HMGN5: variants seen among roughly 807,000 people sequenced by gnomAD.
HMGN5 encodes the protein high mobility group nucleosome-binding domain-containing protein 5.
A neutral mutation model predicts 9.5 loss-of-function variants in HMGN5; 4 were observed. The ratio of observed to expected loss-of-function variants is 0.42; its 90% CI spans 0.21 to 0.96. The LOEUF (loss-of-function observed/expected upper bound fraction) is 0.96, where lower values mean the gene tolerates loss of function less well. HMGN5 is among the 40% of genes least tolerant of loss of function. The pLI, the probability that HMGN5 is intolerant of heterozygous loss-of-function variation, is 0.30. For missense variants in HMGN5, 192 were observed against 187.5 expected (o/e 1.02, Z -0.14); for synonymous variants, 55 against 57.1 (o/e 0.96, Z 0.16).
At chrX:81,176,564 A>G (rs930933340) in intron 1 of HMGN5, among the ~76,000 whole-genome samples, 18 of 111,776 alleles carry the variant, frequency 1.6e-4, no homozygotes, top group Non-Finnish European at 5.6e-5. Flanking sequence ...ATGGCTAACT[A>G]GAATAAACAG....
At chrX:81,168,227 A>G (rs1201365308) in intron 1 of HMGN5, among the ~76,000 whole-genome samples, 1 of 112,117 alleles carries the variant, frequency 8.9e-6, no homozygotes, top group African/African-American at 3.2e-5. Context: ...CTCTAGAGGT[A>G]GTGGATACAC....
At chrX:81,182,982 A>G (rs1281011408) in intron 1 of HMGN5, among the ~76,000 whole-genome samples, 2 of 111,682 alleles carry the variant, frequency 1.8e-5, no homozygotes, top group Non-Finnish European at 3.8e-5. Flanking sequence ...TATGACCAAA[A>G]TGCTGATAGT....
At chrX:81,173,997 A>G (rs926903177) in intron 1 of HMGN5, among the ~76,000 whole-genome samples, 6 of 111,731 alleles carry the variant, frequency 5.4e-5, no homozygotes, top group African/African-American at 1.9e-4. Flanking sequence ...CAGTGAACTG[A>G]GAGACTTCCA....
At position 81,183,523 on chromosome X, in the gene HMGN5, G is replaced by A. The variant is rs1020765887; in HGVS notation, c.-124+18214C>T. ...CAGAGGGTGAAAGCCATAAGCCATG[G>A]TGGCTTCCATGTTGTATTAAGCCTG... On this transcript the variant is annotated intron_variant, in intron 1 of 6. Transcript: ENST00000358130. 5.3e-5 allele frequency among the ~76,000 whole-genome samples: 6 copies of A among 112,855 alleles called. No individual in the cohort carries two copies. In the Admixed American group the frequency reaches 5.6e-4, roughly 11 times the overall value.
rs748990595 is a variant in HMGN5 at position 81,114,757 on chromosome X, TTCC to T, written c.738_740del (p.Glu248del). On this transcript the variant is annotated inframe_deletion, in exon 7 of 7. Coordinates refer to ENST00000358130, the MANE Select transcript of HMGN5 (RefSeq NM_030763.3). ...AATCTTCTTTCTCTTTTCCAGCTTC[TTCC>T]TCATTTCCACCTTCATCTTCTTTTC... 3 of 1,161,077 alleles carry T rather than the reference TTCC, an allele frequency of 2.6e-6. No homozygotes were observed. In the African/African-American group the frequency reaches 5.4e-5, roughly 21 times the overall value.
chrX:81,177,149 A>T (rs2075444532), intron 1 of HMGN5, among the ~76,000 whole-genome samples: 1 of 109,389 alleles, frequency 9.1e-6, no homozygotes, highest in Non-Finnish European at 1.9e-5. Flanking sequence ...AACATTCTTA[A>T]AGAACTAATA....
intron 1 of HMGN5, among the ~76,000 whole-genome samples, chrX:81,169,606 G>A (rs772428528): frequency 1.8e-5 from 2 of 111,663 alleles, no homozygotes; most frequent in African/African-American, 6.5e-5. Flanking sequence ...ATTAGACAGG[G>A]TGATTCAAAT....
At chrX:81,147,789 G>A (rs149814510) in intron 1 of HMGN5, among the ~76,000 whole-genome samples, 2,063 of 111,907 alleles carry the variant, frequency 0.018, 41 homozygotes, top group African/African-American at 0.063. Context: ...CAAAGTCTCA[G>A]GATACAAAAT....
At chrX:81,150,491 A>G (rs909865156) in intron 1 of HMGN5, among the ~76,000 whole-genome samples, 2 of 111,662 alleles carry the variant, frequency 1.8e-5, no homozygotes, top group African/African-American at 6.5e-5. Flanking sequence ...CTTTGAACCC[A>G]GGAGGCGGAG....
At position 81,153,579 on chromosome X, in the gene HMGN5, CTCTCTATATATATATATATATATATA is replaced by C. The variant is rs1217858874; in HGVS notation, c.-123-31933_-123-31908del. Among the ~76,000 whole-genome samples, 29 of 10,590 alleles carry C rather than the reference CTCTCTATATATATATATATATATATA, an allele frequency of 2.7e-3. 2 individuals are homozygous for C. Among genetic ancestry groups the C allele is most frequent in the East Asian group, 8.2e-3 (2 of 243 alleles). 9.2% of individuals were successfully genotyped at this position (10,590 alleles called of 115,157 possible). On this transcript the variant is annotated intron_variant, in intron 1 of 6. Transcript: ENST00000358130. ...TCTCTCTCTCTCTCTCTCTCTCTCT[CTCTCTATATATATATATATATATATA>C]TATATATATATATATATATATATAT... is the stretch of plus-strand genomic sequence containing the variant.
chrX:81,153,099 A>T (rs1024341322), intron 1 of HMGN5, among the ~76,000 whole-genome samples: 3 of 108,485 alleles, frequency 2.8e-5, no homozygotes, highest in African/African-American at 1.0e-4. Context: ...TACATACGTA[A>T]CTAACCTGCA....
At chrX:81,128,946 T>C in intron 1 of HMGN5, among the ~76,000 whole-genome samples, 1 of 111,991 alleles carries the variant, frequency 8.9e-6, no homozygotes, top group Non-Finnish European at 1.9e-5. Flanking sequence ...CTAATGACCA[T>C]TTGAAAATTA....
At chrX:81,166,682 G>A (rs1336557819) in intron 1 of HMGN5, among the ~76,000 whole-genome samples, 1 of 111,778 alleles carries the variant, frequency 8.9e-6, no homozygotes, top group Non-Finnish European at 1.9e-5. Flanking sequence ...TCCGCAACTG[G>A]AAGAACATGG....
chrX:81,141,269 T>C (rs1328447146), intron 1 of HMGN5, among the ~76,000 whole-genome samples: 2 of 111,842 alleles, frequency 1.8e-5, no homozygotes, highest in Non-Finnish European at 3.8e-5. Context: ...CAGGTCTGGC[T>C]GGCCTTGCCA....
intron 1 of HMGN5, among the ~76,000 whole-genome samples, chrX:81,188,263 A>ATGTTATTATTAT: frequency 1.1e-5 from 1 of 86,969 alleles, no homozygotes; most frequent in South Asian, 6.8e-4. Flanking sequence ...TGTGCACAGA[A>ATGTTATTATTAT]TATTATTATT....
At chrX:81,145,710 T>C (rs1006209526) in intron 1 of HMGN5, among the ~76,000 whole-genome samples, 4 of 111,177 alleles carry the variant, frequency 3.6e-5, no homozygotes, top group Non-Finnish European at 5.7e-5. Context: ...GGCTGAAGAA[T>C]TGGTTAAAGA....
chrX:81,151,430 GGCT>G (rs2075362042), intron 1 of HMGN5, among the ~76,000 whole-genome samples: 1 of 111,126 alleles, frequency 9.0e-6, no homozygotes, highest in South Asian at 3.7e-4. Context: ...TGGCGATGTA[GGCT>G]CTTTTTTGGT....
intron 1 of HMGN5, among the ~76,000 whole-genome samples, chrX:81,144,972 C>G (rs995805168): frequency 1.8e-5 from 2 of 111,491 alleles, no homozygotes; most frequent in Non-Finnish European, 3.8e-5. Context: ...AAGAAATGAA[C>G]ACAGCCTCCA....
chrX:81,150,432 G>A (rs915758572), intron 1 of HMGN5, among the ~76,000 whole-genome samples: 1 of 110,681 alleles, frequency 9.0e-6, no homozygotes, highest in African/African-American at 3.3e-5. Flanking sequence ...GGGCATGGTG[G>A]CGGACACCTG....
Sources: gnomAD v4.1 joint callset for allele counts (sites outside exome capture counted in the v4.1 genomes callset) on GRCh38, gnomAD v4.1.1 for gene constraint, MANE v1.5 for transcripts, NCBI Gene and HGNC (gene_info 2026-07-23, HGNC 2026-07-21) for gene names.